ANTXR1: variants seen among roughly 807,000 people sequenced by gnomAD.
ANTXR1 encodes the protein ANTXR cell adhesion molecule 1.
In ANTXR1, 19 loss-of-function variants were observed where a neutral mutation model predicts 78.1. The observed-to-expected ratio is 0.24, with a 90% CI of 0.17 to 0.36. The LOEUF is 0.36. ANTXR1 is among the 10% of genes least tolerant of loss of function. The pLI is 1.00. For missense variants in ANTXR1, 518 were observed against 718.6 expected (o/e 0.72, Z 3.19); for synonymous variants, 273 against 260.5 (o/e 1.05, Z -0.46).
chr2:69,074,596 A>C (rs1231648146), intron 6 of ANTXR1, among the ~76,000 whole-genome samples: 2 of 152,224 alleles, frequency 1.3e-5, no homozygotes, highest in African/African-American at 4.8e-5. Flanking sequence ...AGAATCACAG[A>C]GTTGTTGCAA....
At chr2:69,091,775 A>G (rs1273235525) in intron 9 of ANTXR1, among the ~76,000 whole-genome samples, 1 of 152,216 alleles carries the variant, frequency 6.6e-6, no homozygotes, top group Non-Finnish European at 1.5e-5. Flanking sequence ...GTAGAGGGCC[A>G]TATAGTTTTG....
At chr2:69,141,895 C>G (rs1573927362) in intron 12 of ANTXR1, among the ~76,000 whole-genome samples, 1 of 152,154 alleles carries the variant, frequency 6.6e-6, no homozygotes, top group East Asian at 1.9e-4. Context: ...ACTGATACCC[C>G]CAAATAGATG....
At chr2:69,152,990 G>A (rs183310762) in intron 13 of ANTXR1, among the ~76,000 whole-genome samples, 6 of 152,294 alleles carry the variant, frequency 3.9e-5, no homozygotes, top group Non-Finnish European at 7.4e-5. Flanking sequence ...CCCTTAGACT[G>A]GGAGAAGTCC....
At chr2:69,244,585 G>A (rs1246023126) in intron 17 of ANTXR1, among the ~76,000 whole-genome samples, 3 of 152,198 alleles carry the variant, frequency 2.0e-5, no homozygotes, top group Non-Finnish European at 4.4e-5. Context: ...CACAGACGAG[G>A]TAAATGCATC....
chr2:69,040,505 G>T (rs1187895877), intron 2 of ANTXR1, among the ~76,000 whole-genome samples: 1 of 152,138 alleles, frequency 6.6e-6, no homozygotes, highest in Non-Finnish European at 1.5e-5. Context: ...AGTTTGCCCA[G>T]ATCTTTCCCA....
Position 69,182,673 on chromosome 2 carries a change from A to G in ANTXR1, c.1353+13A>G, listed in dbSNP as rs974680012. 3.1e-6 allele frequency: 5 copies of G among 1,613,952 alleles called. No homozygotes were observed. The highest frequency in any genetic ancestry group is 1.7e-5 in the Admixed American group (1 of 60,004). ...CTCTCCAATCAAGGTGTGTCTCTTT[A>G]CTCAAAAAATCTATCATCAGTCCTG... is the stretch of plus-strand genomic sequence containing the variant. On this transcript the variant is annotated intron_variant, in intron 16 of 17. Coordinates refer to ENST00000303714, the MANE Select transcript of ANTXR1 (RefSeq NM_032208.3).
Position 69,203,771 on chromosome 2 carries a change from A to T in ANTXR1, c.1434+10356A>T, listed in dbSNP as rs1320780253. 2.0e-5 allele frequency among the ~76,000 whole-genome samples: 3 copies of T among 152,012 alleles called. No individual in the cohort carries two copies. In the South Asian group the frequency reaches 6.2e-4, roughly 32 times the overall value. The stretch of plus-strand genomic sequence containing the variant: ...TATTATCACCATCATCATCATCATC[A>T]TCATCATTTTGTAGCTTCTTTCAAT... On this transcript the variant is annotated intron_variant, in intron 17 of 17. Coordinates refer to ENST00000303714, the MANE Select transcript of ANTXR1 (RefSeq NM_032208.3).
chr2:69,172,312 T>C, intron 14 of ANTXR1: 1 of 1,452,020 alleles, frequency 6.9e-7, no homozygotes, highest in South Asian at 1.1e-5. Context: ...CCTTAGCGTG[T>C]GTGTTGGCCC....
chr2:69,065,715 C>A (rs959101087), intron 3 of ANTXR1, among the ~76,000 whole-genome samples: 4 of 152,112 alleles, frequency 2.6e-5, no homozygotes, highest in African/African-American at 7.2e-5. Flanking sequence ...AGGTAAAAGT[C>A]CCAAAGAGAC....
At chr2:69,242,010 A>T (rs1301580990) in intron 17 of ANTXR1, among the ~76,000 whole-genome samples, 4 of 152,076 alleles carry the variant, frequency 2.6e-5, no homozygotes, top group Admixed American at 1.3e-4. Context: ...TGGCTGCTCG[A>T]TGAGAGCTCT....
chr2:69,103,166 G>A (rs1369388671), intron 10 of ANTXR1: 4 of 577,616 alleles, frequency 6.9e-6, no homozygotes, highest in Non-Finnish European at 1.3e-5. Context: ...GGTAAGCAGA[G>A]CAAGGCTGGA....
chr2:69,088,475 G>T (rs1175875396), intron 8 of ANTXR1, among the ~76,000 whole-genome samples: 2 of 152,150 alleles, frequency 1.3e-5, no homozygotes, highest in African/African-American at 4.8e-5. Flanking sequence ...TGTTTAATAA[G>T]TTTCTCCCTC....
At chr2:69,207,055 G>A (rs552286279) in intron 17 of ANTXR1, among the ~76,000 whole-genome samples, 6 of 152,168 alleles carry the variant, frequency 3.9e-5, no homozygotes, top group Admixed American at 1.3e-4. Context: ...TTCTGTAGAC[G>A]CCAATGCTGT....
chr2:69,155,360 T>C (rs1392417071), intron 13 of ANTXR1, among the ~76,000 whole-genome samples: 1 of 152,168 alleles, frequency 6.6e-6, no homozygotes, highest in Non-Finnish European at 1.5e-5. Flanking sequence ...GAGAGAGGTA[T>C]TGGACTATGC....
intron 3 of ANTXR1, among the ~76,000 whole-genome samples, chr2:69,067,583 G>A (rs1670437617): frequency 2.0e-5 from 3 of 151,690 alleles, no homozygotes; most frequent in African/African-American, 7.3e-5. Context: ...TAATGCCCAA[G>A]CGTCTCTCAC....
chr2:69,018,412 G>A (rs976724601), intron 1 of ANTXR1, among the ~76,000 whole-genome samples: 1 of 152,190 alleles, frequency 6.6e-6, no homozygotes, highest in African/African-American at 2.4e-5. Flanking sequence ...TTGTACTCCA[G>A]GGACAGGATC....
At chr2:69,166,876 A>G (rs866307319) in intron 13 of ANTXR1, among the ~76,000 whole-genome samples, 5 of 152,206 alleles carry the variant, frequency 3.3e-5, no homozygotes, top group African/African-American at 1.2e-4. Context: ...ACAAATAATT[A>G]TGCAATTTGC....
chr2:69,226,063 C>G (rs2104515847), intron 17 of ANTXR1, among the ~76,000 whole-genome samples: 1 of 152,266 alleles, frequency 6.6e-6, no homozygotes, highest in South Asian at 2.1e-4. Context: ...CATTGCATTC[C>G]TCTGCCTCAG....
rs114427074 is a variant in ANTXR1 at position 69,230,414 on chromosome 2, G to A, written c.1435-14811G>A. On this transcript the variant is annotated intron_variant, in intron 17 of 17. Coordinates refer to ENST00000303714, the MANE Select transcript of ANTXR1 (RefSeq NM_032208.3). ...ACAGTTTCATTCATTTGTATGGCAA[G>A]TAGTTGTAACTTTACGCGTAGGGTA... Among the ~76,000 whole-genome samples, 341 of 152,134 alleles carry A rather than the reference G, an allele frequency of 2.2e-3. 1 individual carries two copies. The highest frequency in any genetic ancestry group is 7.9e-3 in the African/African-American group (327 of 41,492).
Sources: gnomAD v4.1 joint callset for allele counts (sites outside exome capture counted in the v4.1 genomes callset) on GRCh38, gnomAD v4.1.1 for gene constraint, MANE v1.5 for transcripts, NCBI Gene and HGNC (gene_info 2026-07-23, HGNC 2026-07-21) for gene names.